Variants in RDH16 observed in about 807,000 individuals in gnomAD.
RDH16 encodes human epidermal retinol dehydrogenase.
RDH16 carries 25 observed loss-of-function variants against 22.3 expected under a neutral mutation model. The observed-to-expected ratio is 1.12, with a 90% CI of 0.82 to 1.56. The LOEUF (loss-of-function observed/expected upper bound fraction) is 1.56, where lower values mean the gene tolerates loss of function less well. Among genes scored for constraint, RDH16 ranks in the 40% most tolerant of loss-of-function variants. The probability of loss-of-function intolerance (pLI) is 0.00; values close to 1 mark genes in which losing one functional copy is unlikely to be tolerated. For synonymous variants in RDH16, 154 were observed against 164.4 expected (o/e 0.94, Z 0.48); for missense variants, 413 against 394.9 (o/e 1.05, Z -0.39).
At chr12:56,954,839 C>T in intron 2 of RDH16, 67 bp downstream of exon 2, 1 of 1,569,370 alleles carries the variant, frequency 6.4e-7, no homozygotes, top group Non-Finnish European at 8.7e-7. Flanking sequence ...AAGGAACTCC[C>T]TGGAAAAGAC....
chr12:56,952,119 C>T lies in RDH16; in HGVS notation c.864G>A (p.Lys288=), dbSNP rs755874246. The change falls in exon 4 of 4, where the codon AAG becomes AAA. Residue 288 remains lysine, a synonymous_variant. Coordinates refer to ENST00000398138, the MANE Select transcript of RDH16 (RefSeq NM_003708.5). ...TGTAGCTCATGGGGAGGTAGAGAAGCTTGGCATCCCAGCCAGCTGAGTAGC... is the reference window on the plus strand; with the variant it reads ...TGTAGCTCATGGGGAGGTAGAGAAGTTTGGCATCCCAGCCAGCTGAGTAGC... ...RTRYSAGWDA[K]LLYLPMSYMP... 8.1e-6 allele frequency: 13 copies of T among 1,614,040 alleles called. No individual in the cohort carries two copies. Among genetic ancestry groups the T allele is most frequent in the South Asian group, 2.2e-5 (2 of 91,082 alleles).
rs922947877 is a variant in RDH16 at position 56,955,150 on chromosome 12, C to T, written c.328G>A (p.Val110Met). Residue 110 changes from valine (V) to methionine (M), a missense_variant, in exon 2 of 4, where the codon GTG becomes ATG. By Grantham distance (21) the Val-to-Met change is conservative (BLOSUM62 1). Transcript: ENST00000398138. Reference protein sequence around the residue: ...CVRDKGLWGLVNNAGISLPTA... With the variant: ...CVRDKGLWGLMNNAGISLPTA... ...GGCAAGGAGATGCCAGCATTATTCACCAGGCCCCAGAGTCCTGGGACAGTG... is the reference window on the plus strand; with the variant it reads ...GGCAAGGAGATGCCAGCATTATTCATCAGGCCCCAGAGTCCTGGGACAGTG... 37 of 1,613,934 alleles carry T rather than the reference C, an allele frequency of 2.3e-5. 1 individual carries two copies. The Admixed American group carries it at 3.5e-4, about 15-fold the overall frequency.
chr12:56,955,061 C>A lies in RDH16; in HGVS notation c.417G>T (p.Leu139Phe). ...GGCTCAGAGTCACATCAATCACCCCCAACAAGTTCACGTCCAGTATGGTCA... is the reference window on the plus strand; with the variant it reads ...GGCTCAGAGTCACATCAATCACCCCAAACAAGTTCACGTCCAGTATGGTCA... Reference protein sequence around the residue: ...DFVTILDVNLLGVIDVTLSLL... With the variant: ...DFVTILDVNLFGVIDVTLSLL... The change falls in exon 2 of 4, where the codon TTG (leucine) becomes TTT (phenylalanine). Residue 139 changes from leucine (L) to phenylalanine (F), a missense_variant. Transcript: ENST00000398138. The A allele has an allele frequency of 6.2e-7, 1 of 1,614,164 alleles. No homozygotes were observed. Among genetic ancestry groups the A allele is most frequent in the Non-Finnish European group, 8.5e-7 (1 of 1,180,028 alleles).
chr12:56,957,551 CTGTGG>C lies in RDH16; in HGVS notation c.-94_-90del, dbSNP rs1401907295. 7.0e-7 allele frequency: 1 copy of C among 1,429,288 alleles called. No homozygotes were observed. Among genetic ancestry groups the C allele is most frequent in the African/African-American group, 1.4e-5 (1 of 70,086 alleles). The allele number at this position is 1,429,288 out of a possible 1,614,324, so 88.5% of individuals were successfully genotyped here. The stretch of plus-strand genomic sequence containing the variant: ...CAGGAGGATTTAAGAACACAGAGGG[CTGTGG>C]TAGGCAGGGAAGCCCTCAGGCATTT... On this transcript the variant is annotated 5_prime_UTR_variant, in exon 1 of 4. It introduces an in-frame stop codon into an upstream open reading frame of the 5' UTR. Transcript: ENST00000398138.
rs1955878946 is a variant in RDH16, at chr12:56,951,603, C to T, written c.*426G>A. 4.6e-6 allele frequency: 1 copy of T among 216,508 alleles called. No homozygotes were observed. Among genetic ancestry groups the T allele is most frequent in the East Asian group, 1.0e-4 (1 of 9,928 alleles). 13.4% of individuals were successfully genotyped at this position (216,508 alleles called of 1,614,324 possible). A position where few individuals can be genotyped will look rare whatever the true frequency, so the allele number is the denominator to read the frequency against. ...CTTCAGAGGAGGGGTGCCCTCACAT[C>T]CTCCAGGCCATTTCCACCCCGTGGG... is the stretch of plus-strand genomic sequence containing the variant. On this transcript the variant is annotated 3_prime_UTR_variant, in exon 4 of 4. Coordinates refer to ENST00000398138, the MANE Select transcript of RDH16 (RefSeq NM_003708.5).
intron 2 of RDH16, 34 bp downstream of exon 2, chr12:56,954,872 G>T (rs778630771): frequency 3.7e-6 from 6 of 1,610,214 alleles, no homozygotes; most frequent in South Asian, 1.1e-5. Flanking sequence ...ACAGGAGCAG[G>T]AAGACTAGGG....
chr12:56,955,199 G>T (rs771193348), intron 1 of RDH16, 35 bp from the exon 2 acceptor site: 2 of 1,611,516 alleles, frequency 1.2e-6, no homozygotes, highest in South Asian at 2.2e-5. Context: ...GCATCACTGT[G>T]TTGTGCCTGT....
chr12:56,955,727 G>A (rs1202709508), intron 1 of RDH16, among the ~76,000 whole-genome samples: 1 of 152,084 alleles, frequency 6.6e-6, no homozygotes, highest in Non-Finnish European at 1.5e-5. Context: ...CAGGGCACTG[G>A]TCTTGAAACA....
intron 1 of RDH16, 147 bp downstream of exon 1, chr12:56,957,003 G>T: frequency 1.3e-6 from 1 of 798,234 alleles, no homozygotes; most frequent in Non-Finnish European, 2.0e-6. Context: ...ATGGGGTTCA[G>T]GCAGCCTGTT....
intron 1 of RDH16, among the ~76,000 whole-genome samples, chr12:56,955,577 T>G (rs114864856): frequency 0.012 from 1,794 of 152,196 alleles, 39 homozygotes; most frequent in African/African-American, 0.04. Context: ...ATATAGTGAT[T>G]GTCCAGCAAC....
At chr12:56,953,111 G>A (rs1955898434) in intron 2 of RDH16, 121 bp from the exon 3 acceptor site, 2 of 905,254 alleles carry the variant, frequency 2.2e-6, no homozygotes, top group Non-Finnish European at 3.3e-6. Flanking sequence ...AGAAAGCTTG[G>A]AATATTTAAT....
chr12:56,955,567 A>C (rs1372079526), intron 1 of RDH16, among the ~76,000 whole-genome samples: 1 of 152,134 alleles, frequency 6.6e-6, no homozygotes, highest in East Asian at 1.9e-4. Context: ...CTAACACCTT[A>C]TATAGTGATT....
At chr12:56,956,853 T>C (rs1419029407) in intron 1 of RDH16, among the ~76,000 whole-genome samples, 1 of 152,140 alleles carries the variant, frequency 6.6e-6, no homozygotes, top group Non-Finnish European at 1.5e-5. Flanking sequence ...CCCAGGCTCT[T>C]AGCATCAAAC....
In RDH16 at chr12:56,951,834, T is replaced by G. The variant is rs1311402650; in HGVS notation, c.*195A>C. 1.7e-6 allele frequency: 1 copy of G among 599,360 alleles called. No individual in the cohort carries two copies. Among genetic ancestry groups the G allele is most frequent in the African/African-American group, 1.9e-5 (1 of 53,852 alleles). The allele number at this position is 599,360 out of a possible 1,614,324, so 37.1% of individuals were successfully genotyped here. A position where few individuals can be genotyped will look rare whatever the true frequency, so the allele number is the denominator to read the frequency against. ...GTCCCTGTTTCTCAGCTGCGTAACT[T>G]GAAACTTTCCTACCAACATCTCCAG... On this transcript the variant is annotated 3_prime_UTR_variant, in exon 4 of 4. Coordinates refer to ENST00000398138, the MANE Select transcript of RDH16 (RefSeq NM_003708.5).
At position 56,952,920 on chromosome 12, in the gene RDH16, T is replaced by C. The variant is rs1955896255; in HGVS notation, c.643A>G (p.Ser215Gly). The part of the protein sequence containing the change: ...EPGYFKTAVT[S>G]KERFLKSFLE... ...AAGCTCTTTAAGAATCTCTCCTTAC[T>C]GGTCACAGCAGTCTTGAAATAGCCA... The change falls in exon 3 of 4, where the codon AGT becomes GGT. Residue 215 changes from serine (S) to glycine (G), a missense_variant. Coordinates refer to ENST00000398138, the MANE Select transcript of RDH16 (RefSeq NM_003708.5). 6.2e-7 allele frequency: 1 copy of C among 1,614,096 alleles called. No homozygotes were observed. The highest frequency in any genetic ancestry group is 1.1e-5 in the South Asian group (1 of 91,050).
In RDH16 at chr12:56,955,050, T is replaced by C; in HGVS notation, c.428A>G (p.Asp143Gly). ...TAAGGGCAGCAGGCTCAGAGTCACA[T>C]CAATCACCCCCAACAAGTTCACGTC... ...ILDVNLLGVI[D>G]VTLSLLPLVR... The change falls in exon 2 of 4, where the codon GAT becomes GGT. Residue 143 changes from aspartate (D) to glycine (G), a missense_variant. Coordinates refer to ENST00000398138, the MANE Select transcript of RDH16 (RefSeq NM_003708.5). The C allele has an allele frequency of 1.2e-6, 2 of 1,614,096 alleles. No homozygotes were observed. The highest frequency in any genetic ancestry group is 1.7e-6 in the Non-Finnish European group (2 of 1,180,024).
Position 56,952,994 on chromosome 12 carries a change from C to T in RDH16, c.573-4G>A, listed in dbSNP as rs1565618185. 7 of 1,604,356 alleles carry T rather than the reference C, an allele frequency of 4.4e-6. No individual in the cohort carries two copies. In the Admixed American group the frequency reaches 1.2e-4, roughly 28 times the overall value. On this transcript the variant is annotated splice_region_variant and splice_polypyrimidine_tract_variant and intron_variant, in intron 2 of 3. Coordinates refer to ENST00000398138, the MANE Select transcript of RDH16 (RefSeq NM_003708.5). ...CCCAAAGTAGGAGAGTTCCCTCCTG[C>T]AAGACAGAGAAGCAGAGGGGAAAAA...
chr12:56,953,106 G>T, intron 2 of RDH16, 116 bp from the exon 3 acceptor site: 1 of 933,356 alleles, frequency 1.1e-6, no homozygotes, highest in East Asian at 2.5e-5. Flanking sequence ...AAAATAGAAA[G>T]CTTGGAATAT....
intron 3 of RDH16, among the ~76,000 whole-genome samples, 158 bp downstream of exon 3, chr12:56,952,669 C>T (rs1955892197): frequency 6.6e-6 from 1 of 152,168 alleles, no homozygotes; most frequent in African/African-American, 2.4e-5. Flanking sequence ...GACCAGTTGA[C>T]CACACAGCAC....
Sources: allele counts gnomAD v4.1 joint callset (sites outside exome capture counted in the v4.1 genomes callset), GRCh38; gene constraint gnomAD v4.1.1; transcripts MANE v1.5; gene names NCBI Gene and HGNC (gene_info 2026-07-23, HGNC 2026-07-21).